The following CDH1 variants were observed in gnomAD, a reference collection of about 807,000 sequenced individuals.
CDH1 encodes the protein cadherin-1.
A neutral mutation model predicts 84.5 loss-of-function variants in CDH1; 35 were observed. The observed-to-expected ratio is 0.41, with a 90% confidence interval of 0.32 to 0.55. The LOEUF is 0.55. CDH1 is among the 20% of genes least tolerant of loss of function. The probability of loss-of-function intolerance (pLI) is 0.19; values close to 1 mark genes in which losing one functional copy is unlikely to be tolerated. For missense variants in CDH1, 994 were observed against 1,126.6 expected (o/e 0.88, Z 1.68); for synonymous variants, 417 against 439.0 (o/e 0.95, Z 0.63).
At chr16:68,819,189 T>A in intron 10 of CDH1, 91 bp from the exon 11 acceptor site, 1 of 1,436,072 alleles carries the variant, frequency 7.0e-7, no homozygotes, top group Admixed American at 1.7e-5. Flanking sequence ...ACGTTGGAAG[T>A]AACCATATAA....
At chr16:68,761,773 G>C (rs1451759781) in intron 2 of CDH1, among the ~76,000 whole-genome samples, 1 of 152,132 alleles carries the variant, frequency 6.6e-6, no homozygotes, top group Non-Finnish European at 1.5e-5. Flanking sequence ...AGACGGAGGG[G>C]AGGGCGTTCT....
At chr16:68,775,067 A>G (rs1213126536) in intron 2 of CDH1, among the ~76,000 whole-genome samples, 1 of 151,734 alleles carries the variant, frequency 6.6e-6, no homozygotes, top group Admixed American at 6.6e-5. Context: ...TCCAGGGTGC[A>G]ATGAGCTATG....
intron 12 of CDH1, chr16:68,823,048 A>G (rs74025312): frequency 0.18 from 54,995 of 298,832 alleles, 6,078 homozygotes; most frequent in African/African-American, 0.36. Flanking sequence ...TTCACAGGCC[A>G]GCCGGCCTCC....
At chr16:68,759,341 A>G (rs983027818) in intron 2 of CDH1, among the ~76,000 whole-genome samples, 1 of 152,150 alleles carries the variant, frequency 6.6e-6, no homozygotes, top group African/African-American at 2.4e-5. Flanking sequence ...TCTACCAATA[A>G]TAATAGTATT....
intron 2 of CDH1, among the ~76,000 whole-genome samples, chr16:68,793,128 G>A (rs897375839): frequency 1.3e-5 from 2 of 152,218 alleles, no homozygotes; most frequent in Admixed American, 6.5e-5. Flanking sequence ...CACGTTAAGA[G>A]TCATGCTTGT....
intron 2 of CDH1, among the ~76,000 whole-genome samples, chr16:68,759,352 G>A (rs1178810830): frequency 6.6e-6 from 1 of 152,102 alleles, no homozygotes; most frequent in Admixed American, 6.5e-5. Flanking sequence ...TAATAGTATT[G>A]TTATACAATG....
At position 68,801,132 on chromosome 16, in the gene CDH1, G is replaced by T. The variant is rs575877955; in HGVS notation, c.164-538G>T. On this transcript the variant is annotated intron_variant, in intron 2 of 15. Transcript: ENST00000261769. ...TTACTTTTATTTATTTATTTTTTGA[G>T]ATGGAGTCTCGCTCTGTTGCCCAGG... Among the ~76,000 whole-genome samples the T allele has an allele frequency of 4.6e-5, 7 of 152,222 alleles. No homozygotes were observed. In the East Asian group the frequency reaches 1.4e-3, roughly 29 times the overall value.
intron 2 of CDH1, among the ~76,000 whole-genome samples, chr16:68,794,943 C>T (rs181060570): frequency 3.9e-4 from 59 of 151,994 alleles, no homozygotes; most frequent in Middle Eastern, 3.4e-3. Context: ...CCACCCGTCT[C>T]GGCCTCCCAT....
intron 10 of CDH1, among the ~76,000 whole-genome samples, chr16:68,818,706 C>T (rs966596560): frequency 2.7e-5 from 4 of 150,866 alleles, no homozygotes; most frequent in African/African-American, 7.3e-5. Flanking sequence ...AAAAATTAGC[C>T]GGGCGTGATG....
At chr16:68,753,238 G>C (rs374886144) in intron 2 of CDH1, among the ~76,000 whole-genome samples, 1 of 141,262 alleles carries the variant, frequency 7.1e-6, no homozygotes, top group African/African-American at 2.6e-5. Flanking sequence ...AAAAAGCAAG[G>C]CCTGCTTAAT....
intron 1 of CDH1, 52 bp downstream of exon 1, chr16:68,737,515 C>CGCCCCAGCCCCAT: frequency 3.0e-6 from 4 of 1,351,406 alleles, no homozygotes; most frequent in Non-Finnish European, 4.1e-6. Context: ...GCAAGCTCCG[C>CGCCCCAGCCCCAT]GCCCCAGCCC....
intron 2 of CDH1, among the ~76,000 whole-genome samples, chr16:68,779,320 G>T (rs1959812353): frequency 6.6e-6 from 1 of 152,208 alleles, no homozygotes; most frequent in East Asian, 1.9e-4. Flanking sequence ...GGGCAAAGAG[G>T]CACATCCTCC....
intron 10 of CDH1, among the ~76,000 whole-genome samples, chr16:68,819,031 T>C (rs1420119129): frequency 6.6e-6 from 1 of 152,058 alleles, no homozygotes; most frequent in African/African-American, 2.4e-5. Flanking sequence ...AATTTTTGTA[T>C]TTTTAGTAGA....
chr16:68,747,451 A>C (rs1462456261), intron 2 of CDH1, among the ~76,000 whole-genome samples: 2 of 152,136 alleles, frequency 1.3e-5, no homozygotes, highest in African/African-American at 4.8e-5. Flanking sequence ...GTTAAAAAAT[A>C]AGTTTAAATA....
intron 2 of CDH1, among the ~76,000 whole-genome samples, chr16:68,753,392 G>A (rs555448432): frequency 6.6e-6 from 1 of 151,500 alleles, no homozygotes; most frequent in Non-Finnish European, 1.5e-5. Flanking sequence ...TGTCACCCAG[G>A]CTGGAGGGCA....
In CDH1 at chr16:68,738,321, C is replaced by T. The variant is rs2152114365; in HGVS notation, c.73C>T (p.Pro25Ser). 6.4e-7 allele frequency: 1 copy of T among 1,551,094 alleles called. No homozygotes were observed. The highest frequency in any genetic ancestry group is 8.7e-7 in the Non-Finnish European group (1 of 1,146,502). ...LQVSSWLCQE[P>S]EPCHPGFDAE... Reference sequence around the variant, plus strand: ...GGTCTCCTCTTGGCTCTGCCAGGAGCCGGAGCCCTGCCACCCTGGCTTTGA... The same window carrying T: ...GGTCTCCTCTTGGCTCTGCCAGGAGTCGGAGCCCTGCCACCCTGGCTTTGA... The change falls in exon 2 of 16, where the codon CCG (proline) becomes TCG (serine). Residue 25 changes from proline (P) to serine (S), a missense_variant. Coordinates refer to ENST00000261769, the MANE Select transcript of CDH1 (RefSeq NM_004360.5).
At chr16:68,777,197 T>C (rs1422622603) in intron 2 of CDH1, among the ~76,000 whole-genome samples, 1 of 152,150 alleles carries the variant, frequency 6.6e-6, no homozygotes, top group African/African-American at 2.4e-5. Flanking sequence ...AGAAAACCCT[T>C]CATGAAAGCA....
At chr16:68,799,268 G>C (rs1960437740) in intron 2 of CDH1, among the ~76,000 whole-genome samples, 1 of 152,144 alleles carries the variant, frequency 6.6e-6, no homozygotes, top group African/African-American at 2.4e-5. Context: ...TCAAGTTGCG[G>C]AAGTGAGTTG....
chr16:68,746,007 C>T (rs772063130), intron 2 of CDH1, among the ~76,000 whole-genome samples: 4 of 152,116 alleles, frequency 2.6e-5, no homozygotes, highest in Admixed American at 1.3e-4. Context: ...TTTGTAGAGA[C>T]GGTTTCACCA....
Sources: allele counts gnomAD v4.1 joint callset (sites outside exome capture counted in the v4.1 genomes callset), GRCh38; gene constraint gnomAD v4.1.1; transcripts MANE v1.5; gene names NCBI Gene and HGNC (gene_info 2026-07-23, HGNC 2026-07-21).